Variants in POU2AF1 observed in about 807,000 individuals in gnomAD.
POU2AF1 encodes POU domain class 2-associating factor 1.
In POU2AF1, 12 loss-of-function variants were observed where a neutral mutation model predicts 26.3. The observed-to-expected ratio is 0.46, with a 90% CI of 0.29 to 0.74. POU2AF1 has a LOEUF of 0.74. POU2AF1 is among the 30% of genes least tolerant of loss of function. POU2AF1 has a pLI of 0.09. For synonymous variants in POU2AF1, 175 were observed against 148.0 expected, an observed-to-expected ratio of 1.18 and a Z score of -1.32; for missense variants, 297 against 334.5, an observed-to-expected ratio of 0.89 and a Z score of 0.87.
intron 1 of POU2AF1, among the ~76,000 whole-genome samples, chr11:111,369,287 A>G (rs1293857460): frequency 2.0e-5 from 3 of 152,232 alleles, no homozygotes; most frequent in Non-Finnish European, 4.4e-5. Flanking sequence ...TCACCAGAGG[A>G]TTAGGTTTGC....
intron 1 of POU2AF1, among the ~76,000 whole-genome samples, chr11:111,376,852 T>C (rs1399631429): frequency 2.6e-5 from 4 of 152,152 alleles, no homozygotes; most frequent in South Asian, 4.1e-4. Flanking sequence ...CTATACCACA[T>C]ACTTGGGTTC....
rs578168801 is a variant in POU2AF1, at chr11:111,377,152, A to T, written c.16+2010T>A. Among the ~76,000 whole-genome samples the T allele has an allele frequency of 2.0e-5, 3 of 151,728 alleles. No homozygotes were observed. In the South Asian group the frequency reaches 6.3e-4, roughly 32 times the overall value. On this transcript the variant is annotated intron_variant, in intron 1 of 4. Coordinates refer to ENST00000393067, the MANE Select transcript of POU2AF1 (RefSeq NM_006235.3). ...TTTGGGAGGTCAAAGCGGGTGGATC[A>T]CTTGAGTCCAGGAGTTCGAGACCAG...
chr11:111,372,193 G>A (rs903515488), intron 1 of POU2AF1, among the ~76,000 whole-genome samples: 2 of 152,016 alleles, frequency 1.3e-5, no homozygotes, highest in Admixed American at 6.6e-5. Context: ...CTGCTACATC[G>A]GGCTCTCTAC....
intron 1 of POU2AF1, among the ~76,000 whole-genome samples, chr11:111,361,807 G>A (rs900024047): frequency 6.6e-6 from 1 of 152,220 alleles, no homozygotes; most frequent in African/African-American, 2.4e-5. Context: ...TGCATGTGAA[G>A]TGCTTGGAAT....
intron 1 of POU2AF1, among the ~76,000 whole-genome samples, chr11:111,374,108 C>A (rs12799546): frequency 0.61 from 86,032 of 141,278 alleles, 26,746 homozygotes; most frequent in Admixed American, 0.71. Flanking sequence ...CAGCTGTAGG[C>A]AAACTTGATT....
chr11:111,353,648 G>A lies in POU2AF1; in HGVS notation c.*613C>T, dbSNP rs896902112. 1.3e-5 allele frequency: 3 copies of A among 234,306 alleles called. No individual in the cohort carries two copies. The highest frequency in any genetic ancestry group is 2.5e-5 in the Non-Finnish European group (3 of 118,910). 14.5% of individuals were successfully genotyped at this position (234,306 alleles called of 1,614,324 possible). A position where few individuals can be genotyped will look rare whatever the true frequency, so the allele number is the denominator to read the frequency against. The stretch of plus-strand genomic sequence containing the variant: ...CTGACTTTCTCAGGAGGTGCTGTCG[G>A]GGCTGGTCTTCCCGCCGGCCACCAC... On this transcript the variant is annotated 3_prime_UTR_variant, in exon 5 of 5. Transcript: ENST00000393067.
intron 1 of POU2AF1, among the ~76,000 whole-genome samples, chr11:111,378,822 C>T (rs1043631127): frequency 3.3e-5 from 5 of 152,218 alleles, no homozygotes; most frequent in Non-Finnish European, 7.3e-5. Flanking sequence ...ACCCCAAACC[C>T]ATCCCACATC....
At position 111,353,004 on chromosome 11, in the gene POU2AF1, A is replaced by C; in HGVS notation, c.*1257T>G. On this transcript the variant is annotated 3_prime_UTR_variant, in exon 5 of 5. Coordinates refer to ENST00000393067, the MANE Select transcript of POU2AF1 (RefSeq NM_006235.3). ...AAGGAAGGAAGGAAAGAAGGAAGGA[A>C]GGAAGGAAGGAAGGAAGGAAGGAAG... 1 of 140,682 alleles carries C rather than the reference A, an allele frequency of 7.1e-6. No homozygotes were observed. The highest frequency in any genetic ancestry group is 1.5e-5 in the Non-Finnish European group (1 of 66,222). 8.7% of individuals were successfully genotyped at this position (140,682 alleles called of 1,614,324 possible).
In POU2AF1 at chr11:111,379,162, G is replaced by T. The variant is rs140281601; in HGVS notation, c.16C>A (p.Pro6Thr). 5.6e-6 allele frequency: 9 copies of T among 1,613,950 alleles called. No individual in the cohort carries two copies. Among genetic ancestry groups the T allele is most frequent in the Non-Finnish European group, 7.6e-6 (9 of 1,179,992 alleles). The change falls in exon 1 of 5, where the codon CCC (proline) becomes ACC (threonine). Residue 6 changes from proline to threonine, a missense_variant and splice_region_variant. Coordinates refer to ENST00000393067, the MANE Select transcript of POU2AF1 (RefSeq NM_006235.3). The part of the protein sequence containing the change: MLWQK[P>T]TAPEQAPAPA... ...TGACAGCCACAGCCAAACCACTTACGTTTTTGCCAGAGCATGGCCTGTGAC... is the reference window on the plus strand; with the variant it reads ...TGACAGCCACAGCCAAACCACTTACTTTTTTGCCAGAGCATGGCCTGTGAC...
chr11:111,368,607 G>C (rs1173913271), intron 1 of POU2AF1, among the ~76,000 whole-genome samples: 3 of 152,206 alleles, frequency 2.0e-5, no homozygotes, highest in African/African-American at 7.2e-5. Context: ...CTCCATCTAA[G>C]CGAGGGCCCT....
intron 1 of POU2AF1, among the ~76,000 whole-genome samples, chr11:111,378,435 TTTCAG>T (rs1861352454): frequency 6.6e-6 from 1 of 152,214 alleles, no homozygotes; most frequent in African/African-American, 2.4e-5. Context: ...ATCTGTATTA[TTTCAG>T]TTATTAGTAA....
At chr11:111,376,806 T>G (rs1394350325) in intron 1 of POU2AF1, among the ~76,000 whole-genome samples, 1 of 152,214 alleles carries the variant, frequency 6.6e-6, no homozygotes, top group East Asian at 1.9e-4. Context: ...CTGTTTTTAC[T>G]GATTTTCCCA....
chr11:111,358,848 C>T lies in POU2AF1; in HGVS notation c.87G>A (p.Lys29=). The change falls in exon 2 of 5, where the codon AAG becomes AAA. Residue 29 remains lysine, a synonymous_variant. Coordinates refer to ENST00000393067, the MANE Select transcript of POU2AF1 (RefSeq NM_006235.3). ...GGCCTCGCTTCCTCCTCAGCAGTTC[C>T]TTCACTGGCTCCTTCACACGGACGC... ...YQGVRVKEPV[K]ELLRRKRGHA... is the part of the protein sequence containing the mutation. The T allele has an allele frequency of 6.2e-7, 1 of 1,609,282 alleles. No homozygotes were observed. Among genetic ancestry groups the T allele is most frequent in the Non-Finnish European group, 8.5e-7 (1 of 1,179,958 alleles).
chr11:111,355,887 T>C (rs949941662), intron 4 of POU2AF1, among the ~76,000 whole-genome samples: 4 of 152,286 alleles, frequency 2.6e-5, no homozygotes, highest in Non-Finnish European at 5.9e-5. Flanking sequence ...CCAGACAGAA[T>C]CCGGGAAAGC....
In POU2AF1 at chr11:111,354,246, A is replaced by T. The variant is rs376007107; in HGVS notation, c.*15T>A. On this transcript the variant is annotated 3_prime_UTR_variant, in exon 5 of 5. Transcript: ENST00000393067. ...ATCCCAGTTTCAGGGAACAGGACTC[A>T]GGTGGGAGCCACGCCTAAAAGCCTT... 7.4e-6 allele frequency: 12 copies of T among 1,612,848 alleles called. No homozygotes were observed. The East Asian group carries it at 2.2e-4, about 30-fold the overall frequency.
At position 111,353,426 on chromosome 11, in the gene POU2AF1, C is replaced by T. The variant is rs1437806200; in HGVS notation, c.*835G>A. The T allele has an allele frequency of 2.1e-5, 5 of 233,828 alleles. No homozygotes were observed. The highest frequency in any genetic ancestry group is 1.8e-4 in the South Asian group (1 of 5,536). 14.5% of individuals were successfully genotyped at this position (233,828 alleles called of 1,614,324 possible). On this transcript the variant is annotated 3_prime_UTR_variant, in exon 5 of 5. Coordinates refer to ENST00000393067, the MANE Select transcript of POU2AF1 (RefSeq NM_006235.3). ...CCCATCCCTCCTCTGTCCCTCTCTT[C>T]GTCACTGGCCTGTCCCCACCCACCC...
chr11:111,363,713 A>G (rs1260397253), intron 1 of POU2AF1: 2 of 554,142 alleles, frequency 3.6e-6, no homozygotes, highest in Non-Finnish European at 4.6e-6. Flanking sequence ...AAATAATAAG[A>G]TATCAGCAGA....
chr11:111,360,857 T>TTCCCA (rs1359585660), intron 1 of POU2AF1, among the ~76,000 whole-genome samples: 7 of 150,362 alleles, frequency 4.7e-5, no homozygotes, highest in Non-Finnish European at 7.4e-5. Flanking sequence ...CTCAGGGGAA[T>TTCCCA]GGCTTGAACC....
chr11:111,358,418 ACG>A (rs1860912167), intron 2 of POU2AF1, among the ~76,000 whole-genome samples: 1 of 73,932 alleles, frequency 1.4e-5, no homozygotes, highest in Non-Finnish European at 3.1e-5. Flanking sequence ...TCTCACACAC[ACG>A]CTCACACTCT....
Sources: allele counts gnomAD v4.1 joint callset (sites outside exome capture counted in the v4.1 genomes callset), GRCh38; gene constraint gnomAD v4.1.1; transcripts MANE v1.5; gene names NCBI Gene and HGNC (gene_info 2026-07-23, HGNC 2026-07-21).